WDR7: variants seen among roughly 807,000 people sequenced by gnomAD.
WDR7 encodes the protein WD repeat-containing protein 7.
In WDR7, 46 loss-of-function variants were observed where a neutral mutation model predicts 169.4. That is an observed-to-expected ratio of 0.27 (90% CI 0.21 to 0.35). The LOEUF is 0.35. Ranked by LOEUF, WDR7 falls within the 10% of genes least tolerant of loss-of-function variation. The probability of loss-of-function intolerance (pLI) is 1.00; values close to 1 mark genes in which losing one functional copy is unlikely to be tolerated. For synonymous variants in WDR7, 612 were observed against 666.8 expected (o/e 0.92, Z 1.27); for missense variants, 1,534 against 1,859.3 (o/e 0.83, Z 3.22).
intron 21 of WDR7, among the ~76,000 whole-genome samples, chr18:56,913,963 C>T (rs1227250460): frequency 6.6e-6 from 1 of 152,148 alleles, no homozygotes; most frequent in Admixed American, 6.5e-5. Context: ...GACCCAGCTG[C>T]TTTCAAGTTG....
chr18:56,747,527 C>A lies in WDR7; in HGVS notation c.1990-9056C>A, dbSNP rs138895650. ...TACACCCACACCCAGTGGGCCCTGG[C>A]ATTGGGGAGTTCCTACCTGATGTGG... On this transcript the variant is annotated intron_variant, in intron 14 of 27. Transcript: ENST00000254442. 2.5e-3 allele frequency among the ~76,000 whole-genome samples: 387 copies of A among 152,276 alleles called. 3 individuals carry two copies. The East Asian group carries it at 0.032, about 12-fold the overall frequency.
At chr18:56,803,337 AT>A (rs2044710175) in intron 19 of WDR7, among the ~76,000 whole-genome samples, 1 of 152,200 alleles carries the variant, frequency 6.6e-6, no homozygotes, top group East Asian at 1.9e-4. Flanking sequence ...TTTTCAAATC[AT>A]TTATTCACTA....
chr18:56,830,452 T>C (rs532844541), intron 20 of WDR7, among the ~76,000 whole-genome samples: 13 of 152,160 alleles, frequency 8.5e-5, no homozygotes, highest in Non-Finnish European at 1.5e-4. Context: ...ATCAATTGAC[T>C]TAGGAATTAG....
downstream of WDR7, chr18:57,029,918 G>A (rs1418735407): frequency 6.6e-6 from 1 of 152,172 alleles, no homozygotes; most frequent in Non-Finnish European, 1.5e-5. Flanking sequence ...GCTGGCTTGG[G>A]AAAGGCAACT....
At chr18:56,828,600 G>A (rs901169003) in intron 20 of WDR7, among the ~76,000 whole-genome samples, 52 of 152,168 alleles carry the variant, frequency 3.4e-4, no homozygotes, top group African/African-American at 1.2e-3. Flanking sequence ...AAAATCTGAA[G>A]GTTAAAAGAG....
At chr18:56,747,675 G>A (rs1410398971) in intron 14 of WDR7, among the ~76,000 whole-genome samples, 1 of 152,178 alleles carries the variant, frequency 6.6e-6, no homozygotes, top group Non-Finnish European at 1.5e-5. Flanking sequence ...AGAAGAGAGA[G>A]GCTTGACATT....
rs1425455076 is a variant in WDR7, at chr18:57,018,583, G to A, written c.4165-2162G>A. Among the ~76,000 whole-genome samples the A allele has an allele frequency of 3.3e-5, 5 of 152,218 alleles. No homozygotes were observed. The South Asian group carries it at 1.0e-3, about 32-fold the overall frequency. On this transcript the variant is annotated intron_variant, in intron 26 of 27. Transcript: ENST00000254442. Reference sequence around the variant, plus strand: ...TGTCCGATCCTCCAGTTTTTCAGGAGAGGCTGGAAATCTTGTTTTTACAGA... The same window carrying A: ...TGTCCGATCCTCCAGTTTTTCAGGAAAGGCTGGAAATCTTGTTTTTACAGA...
chr18:56,849,560 A>G (rs1253085496), intron 20 of WDR7, among the ~76,000 whole-genome samples: 2 of 151,918 alleles, frequency 1.3e-5, no homozygotes, highest in Non-Finnish European at 2.9e-5. Context: ...CTAATTCTAC[A>G]TTTTCCACTT....
rs559182812 is a variant in WDR7 at position 56,670,344 on chromosome 18, T to G, written c.-19-2153T>G. ...TTTTGGGCCATTTAGTACCCTATAC[T>G]CCGTAGTCCTGAATCTGTTTGCATT... is the stretch of plus-strand genomic sequence containing the variant. On this transcript the variant is annotated intron_variant, in intron 1 of 27. Coordinates refer to ENST00000254442, the MANE Select transcript of WDR7 (RefSeq NM_015285.3). Among the ~76,000 whole-genome samples the G allele has an allele frequency of 2.0e-4, 31 of 152,260 alleles. 1 individual carries two copies. The highest frequency in any genetic ancestry group is 4.1e-4 in the Non-Finnish European group (28 of 68,014).
chr18:56,683,092 T>C (rs2025380912), intron 5 of WDR7, among the ~76,000 whole-genome samples: 1 of 152,128 alleles, frequency 6.6e-6, no homozygotes, highest in Non-Finnish European at 1.5e-5. Flanking sequence ...TTTGACAGAG[T>C]ATATGGGTGA....
intron 8 of WDR7, 134 bp downstream of exon 8, chr18:56,691,495 T>TA: frequency 8.8e-7 from 1 of 1,133,294 alleles, no homozygotes; most frequent in East Asian, 2.9e-5. Flanking sequence ...CTTCTTAAGT[T>TA]AGATTTTTAA....
intron 19 of WDR7, 71 bp from the exon 20 acceptor site, chr18:56,815,960 A>G: frequency 1.5e-6 from 2 of 1,300,946 alleles, no homozygotes; most frequent in South Asian, 3.0e-5. Flanking sequence ...TAAATTAAAA[A>G]TCTTCAAACT....
At chr18:56,771,919 G>T (rs536367306) in intron 16 of WDR7, among the ~76,000 whole-genome samples, 12 of 151,582 alleles carry the variant, frequency 7.9e-5, no homozygotes, top group African/African-American at 2.7e-4. Context: ...AATTATCGGG[G>T]TGTGATGGTG....
At chr18:56,923,564 A>G (rs2046758801) in intron 21 of WDR7, among the ~76,000 whole-genome samples, 1 of 152,270 alleles carries the variant, frequency 6.6e-6, no homozygotes, top group Non-Finnish European at 1.5e-5. Flanking sequence ...AAGAAAGGTT[A>G]AGAAGTACCA....
intron 13 of WDR7, among the ~76,000 whole-genome samples, chr18:56,727,914 A>G (rs1435017510): frequency 6.6e-6 from 1 of 152,220 alleles, no homozygotes. Context: ...TTTTACTGCA[A>G]AAAGATCCAG....
chr18:56,686,547 A>T (rs955163272), intron 6 of WDR7, among the ~76,000 whole-genome samples: 7 of 152,130 alleles, frequency 4.6e-5, no homozygotes, highest in Non-Finnish European at 7.4e-5. Flanking sequence ...TGGATTTTTT[A>T]AAAAAGCACA....
At chr18:56,878,508 A>G (rs1001536541) in intron 20 of WDR7, among the ~76,000 whole-genome samples, 1 of 152,208 alleles carries the variant, frequency 6.6e-6, no homozygotes, top group Non-Finnish European at 1.5e-5. Context: ...TATTTGTTAA[A>G]TTAATGGGCA....
chr18:56,933,265 A>G (rs7343041), intron 22 of WDR7, among the ~76,000 whole-genome samples: 36,457 of 152,140 alleles, frequency 0.24, 8,519 homozygotes, highest in African/African-American at 0.61. Flanking sequence ...TGGGCAGCAG[A>G]ATCACTACCA....
chr18:56,951,849 T>C (rs1421147176), intron 25 of WDR7, among the ~76,000 whole-genome samples: 1 of 152,182 alleles, frequency 6.6e-6, no homozygotes, highest in Non-Finnish European at 1.5e-5. Flanking sequence ...TAAAAATTAT[T>C]GAAGAGCCCA....
Sources: gnomAD v4.1 joint callset for allele counts (sites outside exome capture counted in the v4.1 genomes callset) on GRCh38, gnomAD v4.1.1 for gene constraint, MANE v1.5 for transcripts, NCBI Gene and HGNC (gene_info 2026-07-23, HGNC 2026-07-21) for gene names.